Variants in ERO1A observed in about 807,000 individuals in gnomAD.
ERO1A encodes the protein endoplasmic reticulum oxidoreductase 1 alpha, also known as ERO1-like protein alpha.
A neutral mutation model predicts 76.9 loss-of-function variants in ERO1A; 49 were observed. That is an observed-to-expected ratio of 0.64 (90% CI 0.51 to 0.81). The LOEUF (loss-of-function observed/expected upper bound fraction) is 0.81, where lower values mean the gene tolerates loss of function less well. Among genes scored for constraint, ERO1A ranks in the 30% least tolerant of loss-of-function variants. The probability of loss-of-function intolerance (pLI) is 0.00; values close to 1 mark genes in which losing one functional copy is unlikely to be tolerated. For missense variants in ERO1A, 448 were observed against 542.1 expected (o/e 0.83, Z 1.72); for synonymous variants, 174 against 181.2 (o/e 0.96, Z 0.32).
chr14:52,678,438 T>C lies in ERO1A; in HGVS notation c.353A>G (p.Tyr118Cys), dbSNP rs1348281591. The C allele has an allele frequency of 5.6e-6, 9 of 1,613,386 alleles. No individual in the cohort carries two copies. The highest frequency in any genetic ancestry group is 6.8e-6 in the Non-Finnish European group (8 of 1,179,634). The change falls in exon 4 of 16, where the codon TAC (tyrosine) becomes TGC (cysteine). Residue 118 changes from tyrosine (Y) to cysteine (C), a missense_variant. By Grantham distance (194) the Tyr-to-Cys change is radical. Coordinates refer to ENST00000395686, the MANE Select transcript of ERO1A (RefSeq NM_014584.3). ...TCAATAGGTATACGTACACACCTTG[T>C]AGCTCGCAGATTTAATTCCATCAGG... ...EVPDGIKSASYKYSEEANNLI... is the reference protein window; with the variant it reads ...EVPDGIKSASCKYSEEANNLI...
intron 12 of ERO1A, 92 bp from the exon 13 acceptor site, chr14:52,652,400 G>A (rs1425697914): frequency 3.6e-6 from 3 of 843,956 alleles, no homozygotes; most frequent in African/African-American, 3.4e-5. Context: ...GATAAATAAA[G>A]AGGAGAAAAC....
chr14:52,695,312 C>T, intron 1 of ERO1A, 56 bp downstream of exon 1: 2 of 1,202,862 alleles, frequency 1.7e-6, no homozygotes, highest in South Asian at 2.0e-5. Context: ...GCGTGCGGGA[C>T]AGTGCACGCC....
intron 13 of ERO1A, chr14:52,647,144 T>TA (rs2039696358): frequency 3.4e-4 from 1 of 2,922 alleles, no homozygotes; most frequent in African/African-American, 8.3e-4. Context: ...CCCAGCTAAT[T>TA]TTTTTTTTTT....
At chr14:52,659,589 T>C (rs899701368) in intron 9 of ERO1A, among the ~76,000 whole-genome samples, 1 of 152,152 alleles carries the variant, frequency 6.6e-6, no homozygotes, top group Non-Finnish European at 1.5e-5. Flanking sequence ...GTGAAAGAAT[T>C]AAATAAAATC....
At position 52,642,824 on chromosome 14, in the gene ERO1A, A is replaced by C. The variant is rs2039520922; in HGVS notation, c.*746T>G. 1 of 152,592 alleles carries C rather than the reference A, an allele frequency of 6.6e-6. No homozygotes were observed. The highest frequency in any genetic ancestry group is 2.4e-5 in the African/African-American group (1 of 41,454). The allele number at this position is 152,592 out of a possible 1,614,324, so 9.5% of individuals were successfully genotyped here. A position where few individuals can be genotyped will look rare whatever the true frequency, so the allele number is the denominator to read the frequency against. On this transcript the variant is annotated 3_prime_UTR_variant, in exon 16 of 16. Transcript: ENST00000395686. ...GAAAGTATTATGAGAATAAATATATAATCTATTCAACTTTTCACAATGTTT... is the reference window on the plus strand; with the variant it reads ...GAAAGTATTATGAGAATAAATATATCATCTATTCAACTTTTCACAATGTTT...
intron 4 of ERO1A, among the ~76,000 whole-genome samples, chr14:52,675,210 C>T (rs1277745959): frequency 6.6e-6 from 1 of 151,964 alleles, no homozygotes; most frequent in African/African-American, 2.4e-5. Flanking sequence ...ATGGTGAAAC[C>T]CCGTCTCTAC....
At position 52,672,776 on chromosome 14, in the gene ERO1A, C is replaced by CAA. The variant is rs1226719026; in HGVS notation, c.358-907_358-906dup. 1.7e-3 allele frequency among the ~76,000 whole-genome samples: 104 copies of CAA among 61,048 alleles called. 2 individuals carry two copies. The highest frequency in any genetic ancestry group is 3.0e-3 in the African/African-American group (54 of 17,902). The allele number at this position is 61,048 out of a possible 152,430, so 40.0% of individuals were successfully genotyped here. On this transcript the variant is annotated intron_variant, in intron 4 of 15. Transcript: ENST00000395686. ...AACAGAGACAGACCCTGTCTCTGAC[C>CAA]AAAAAAAAAAAAAAAAACAAAAAAC...
At chr14:52,656,283 C>T (rs967772005) in intron 11 of ERO1A, among the ~76,000 whole-genome samples, 9 of 152,000 alleles carry the variant, frequency 5.9e-5, no homozygotes, top group Non-Finnish European at 1.2e-4. Flanking sequence ...ATAATGTCCT[C>T]CAAGTTCATT....
In ERO1A at chr14:52,671,681, G is replaced by A. The variant is rs779201951; in HGVS notation, c.457C>T (p.Leu153Phe). 2 of 1,607,500 alleles carry A rather than the reference G, an allele frequency of 1.2e-6. No homozygotes were observed. The highest frequency in any genetic ancestry group is 1.7e-5 in the Admixed American group (1 of 59,826). Residue 153 changes from leucine to phenylalanine, a missense_variant, in exon 6 of 16, where the codon CTT becomes TTT. Physicochemically the swap from Leu to Phe is conservative, Grantham distance 22. Coordinates refer to ENST00000395686, the MANE Select transcript of ERO1A (RefSeq NM_014584.3). Reference sequence around the variant, plus strand: ...GAATCATCATGCTTGGTCCACTGAAGAACAGCCTTCTGTGTTTCCTCACTT... The same window carrying A: ...GAATCATCATGCTTGGTCCACTGAAAAACAGCCTTCTGTGTTTCCTCACTT... ...SLSEETQKAV[L>F]QWTKHDDSSD...
chr14:52,661,291 A>T lies in ERO1A; in HGVS notation c.688+2T>A, dbSNP rs959675471. 3.1e-6 allele frequency: 4 copies of T among 1,294,184 alleles called. No individual in the cohort carries two copies. In the African/African-American group the frequency reaches 6.1e-5, roughly 20 times the overall value. The allele number at this position is 1,294,184 out of a possible 1,614,324, so 80.2% of individuals were successfully genotyped here. On this transcript the variant is annotated splice_donor_variant, in intron 9 of 15. Transcript: ENST00000395686. LOFTEE classifies it high-confidence loss of function. Reference sequence around the variant, plus strand: ...ATGTAATATATAATAAATTATACTTACCTTCACTTGTCCCTGAAAAGCAAA... The same window carrying T: ...ATGTAATATATAATAAATTATACTTTCCTTCACTTGTCCCTGAAAAGCAAA...
chr14:52,683,369 T>C (rs1428961938), intron 2 of ERO1A, among the ~76,000 whole-genome samples: 2 of 152,218 alleles, frequency 1.3e-5, no homozygotes, highest in African/African-American at 2.4e-5. Flanking sequence ...TTGATCAGGT[T>C]TTCTAAACTC....
chr14:52,666,367 A>G lies in ERO1A; in HGVS notation c.629+8T>C. On this transcript the variant is annotated splice_region_variant and intron_variant, in intron 7 of 15. Coordinates refer to ENST00000395686, the MANE Select transcript of ERO1A (RefSeq NM_014584.3). ...ATAGGAATTTTTCTAAATGAAAATG[A>G]CACATACTTAAAACAGTTTTCTTCG... is the stretch of plus-strand genomic sequence containing the variant. 2 of 1,577,796 alleles carry G rather than the reference A, an allele frequency of 1.3e-6. No individual in the cohort carries two copies. The highest frequency in any genetic ancestry group is 2.7e-5 in the African/African-American group (2 of 73,042).
rs182207401 is a variant in ERO1A, at chr14:52,642,681, G to A, written c.*889C>T. On this transcript the variant is annotated 3_prime_UTR_variant, in exon 16 of 16. Coordinates refer to ENST00000395686, the MANE Select transcript of ERO1A (RefSeq NM_014584.3). ...AGAGAAAGCATGAAAGATAAAGCAC[G>A]TATGAACAATTAGTGAATCTGGGTA... 31 of 152,516 alleles carry A rather than the reference G, an allele frequency of 2.0e-4. No homozygotes were observed. The highest frequency in any genetic ancestry group is 7.9e-4 in the Admixed American group (12 of 15,274). 9.4% of individuals were successfully genotyped at this position (152,516 alleles called of 1,614,324 possible). A position where few individuals can be genotyped will look rare whatever the true frequency, so the allele number is the denominator to read the frequency against.
chr14:52,676,875 CAA>C (rs150557631), intron 4 of ERO1A, among the ~76,000 whole-genome samples: 30 of 133,556 alleles, frequency 2.2e-4, no homozygotes, highest in Admixed American at 2.3e-4. Context: ...CTATCTACCC[CAA>C]AAAAAAAAAA....
At chr14:52,667,699 G>A (rs2040458458) in intron 6 of ERO1A, among the ~76,000 whole-genome samples, 2 of 152,094 alleles carry the variant, frequency 1.3e-5, no homozygotes, top group South Asian at 4.2e-4. Flanking sequence ...TCCAGCCTGG[G>A]CAACACAGTG....
At chr14:52,659,260 C>T (rs1405174095) in intron 9 of ERO1A, among the ~76,000 whole-genome samples, 2 of 152,034 alleles carry the variant, frequency 1.3e-5, no homozygotes, top group East Asian at 3.9e-4. Flanking sequence ...TAATAACAGA[C>T]AAAAATTGTT....
intron 11 of ERO1A, among the ~76,000 whole-genome samples, chr14:52,656,859 A>C (rs2040067799): frequency 6.6e-6 from 1 of 152,050 alleles, no homozygotes; most frequent in Non-Finnish European, 1.5e-5. Flanking sequence ...TCAGGAGTTC[A>C]AGACCAGCCT....
intron 13 of ERO1A, chr14:52,647,082 TCTC>T (rs1325104336): frequency 7.1e-6 from 1 of 139,870 alleles, no homozygotes; most frequent in Non-Finnish European, 1.5e-5. Flanking sequence ...TTCACACCAT[TCTC>T]CTGCCTCAGC....
At chr14:52,661,056 G>A (rs1432978726) in intron 9 of ERO1A, among the ~76,000 whole-genome samples, 1 of 152,122 alleles carries the variant, frequency 6.6e-6, no homozygotes, top group African/African-American at 2.4e-5. Context: ...CATTCAGAGA[G>A]GTAAAATGTG....
Sources: gnomAD v4.1 joint callset for allele counts (sites outside exome capture counted in the v4.1 genomes callset) on GRCh38, gnomAD v4.1.1 for gene constraint, MANE v1.5 for transcripts, NCBI Gene and HGNC (gene_info 2026-07-23, HGNC 2026-07-21) for gene names.